The following CNTNAP5 variants were observed in gnomAD, a reference collection of about 807,000 sequenced individuals.
CNTNAP5 encodes the protein contactin-associated protein-like 5.
CNTNAP5 carries 72 observed loss-of-function variants against 150.2 expected under a neutral mutation model. The observed-to-expected ratio is 0.48, with a 90% CI of 0.40 to 0.58. The LOEUF is 0.58. Among genes scored for constraint, CNTNAP5 ranks in the 20% least tolerant of loss-of-function variants. The probability of loss-of-function intolerance (pLI) is 0.00; values close to 1 mark genes in which losing one functional copy is unlikely to be tolerated. For synonymous variants in CNTNAP5, 672 were observed against 619.8 expected (o/e 1.08, Z -1.25); for missense variants, 1,636 against 1,626.2 (o/e 1.01, Z -0.10).
At chr2:124,458,293 TTATATATA>T (rs56360238) in intron 6 of CNTNAP5, among the ~76,000 whole-genome samples, 37 of 139,930 alleles carry the variant, frequency 2.6e-4, no homozygotes, top group African/African-American at 6.1e-4. Flanking sequence ...ATGTAATATT[TTATATATA>T]TATATATATA....
At chr2:124,738,891 C>A (rs371888970) in intron 13 of CNTNAP5, among the ~76,000 whole-genome samples, 1 of 152,176 alleles carries the variant, frequency 6.6e-6, no homozygotes, top group East Asian at 1.9e-4. Flanking sequence ...TTTAACCTTA[C>A]TGGGATCCTT....
At chr2:124,188,521 C>A (rs559168234) in intron 1 of CNTNAP5, among the ~76,000 whole-genome samples, 4 of 152,006 alleles carry the variant, frequency 2.6e-5, no homozygotes, top group African/African-American at 9.6e-5. Context: ...AGATGGAGAC[C>A]ATCCTGGTGA....
At chr2:124,046,871 G>A (rs1401899758) in intron 1 of CNTNAP5, among the ~76,000 whole-genome samples, 2 of 152,162 alleles carry the variant, frequency 1.3e-5, no homozygotes, top group African/African-American at 4.8e-5. Context: ...GGCTGGACTG[G>A]GAAAGGAGAT....
chr2:124,735,880 G>A (rs950981178), intron 13 of CNTNAP5, among the ~76,000 whole-genome samples: 4 of 152,062 alleles, frequency 2.6e-5, no homozygotes, highest in African/African-American at 4.8e-5. Flanking sequence ...TTAGTGTTAC[G>A]GATATCCAAC....
intron 10 of CNTNAP5, among the ~76,000 whole-genome samples, chr2:124,548,715 A>G (rs1418015229): frequency 6.6e-6 from 1 of 152,224 alleles, no homozygotes; most frequent in Non-Finnish European, 1.5e-5. Flanking sequence ...ATCTGCAAGT[A>G]TAAGTGACAA....
At chr2:124,306,719 CTTTTT>C (rs762901729) in intron 3 of CNTNAP5, among the ~76,000 whole-genome samples, 6 of 64,356 alleles carry the variant, frequency 9.3e-5, no homozygotes, top group Admixed American at 8.5e-4. Context: ...CTCTCTCTTT[CTTTTT>C]TTTTTTTTTT....
At chr2:124,203,282 T>C (rs901550387) in intron 1 of CNTNAP5, among the ~76,000 whole-genome samples, 3 of 152,138 alleles carry the variant, frequency 2.0e-5, no homozygotes, top group African/African-American at 7.2e-5. Flanking sequence ...AGAGGCTGAT[T>C]CCCTTGGTCT....
chr2:124,568,267 T>C lies in CNTNAP5; in HGVS notation c.1756+4944T>C, dbSNP rs1696076943. On this transcript the variant is annotated intron_variant, in intron 11 of 23. Transcript: ENST00000682447. The stretch of plus-strand genomic sequence containing the variant: ...GTGTTCTAGAATAATCATGAAAGCA[T>C]TATGGAAGGAAGTAGAATGACTTGG... Among the ~76,000 whole-genome samples the C allele has an allele frequency of 2.6e-5, 4 of 152,168 alleles. No individual in the cohort carries two copies. The South Asian group carries it at 8.3e-4, about 32-fold the overall frequency.
intron 1 of CNTNAP5, among the ~76,000 whole-genome samples, chr2:124,137,306 T>TG (rs1371383913): frequency 4.0e-5 from 6 of 151,836 alleles, no homozygotes; most frequent in African/African-American, 1.5e-4. Context: ...TCTGTAGTTT[T>TG]TTTTTCAAAT....
intron 3 of CNTNAP5, among the ~76,000 whole-genome samples, chr2:124,350,514 T>G (rs1689851432): frequency 6.6e-6 from 1 of 151,862 alleles, no homozygotes; most frequent in Non-Finnish European, 1.5e-5. Flanking sequence ...ATTCGTACTA[T>G]TAATTCTTTA....
At chr2:124,552,407 C>A (rs1695647816) in intron 10 of CNTNAP5, among the ~76,000 whole-genome samples, 1 of 152,188 alleles carries the variant, frequency 6.6e-6, no homozygotes, top group Admixed American at 6.5e-5. Flanking sequence ...AACATATTGG[C>A]AATGATACAT....
At chr2:124,905,764 G>A (rs1678522620) in intron 22 of CNTNAP5, among the ~76,000 whole-genome samples, 1 of 152,132 alleles carries the variant, frequency 6.6e-6, no homozygotes, top group Admixed American at 6.6e-5. Context: ...CAGCTTCCAT[G>A]GGAAGGAATG....
At chr2:124,258,195 G>C (rs1209853251) in intron 3 of CNTNAP5, among the ~76,000 whole-genome samples, 3 of 152,130 alleles carry the variant, frequency 2.0e-5, no homozygotes, top group African/African-American at 4.8e-5. Context: ...AGCTAACTTG[G>C]AGAAGGCAGC....
rs1237422286 is a variant in CNTNAP5, at chr2:124,442,995, T to C, written c.734-3758T>C. ...GCACTCCTAGGCATTTAAATAGTCA[T>C]GGTCTTTATATAGGACAATTTGGCA... On this transcript the variant is annotated intron_variant, in intron 5 of 23. Transcript: ENST00000682447. 3.3e-5 allele frequency among the ~76,000 whole-genome samples: 5 copies of C among 152,252 alleles called. No homozygotes were observed. In the East Asian group the frequency reaches 5.8e-4, roughly 18 times the overall value.
intron 13 of CNTNAP5, among the ~76,000 whole-genome samples, chr2:124,677,598 A>G (rs1678972427): frequency 2.0e-5 from 3 of 152,132 alleles, no homozygotes; most frequent in Non-Finnish European, 4.4e-5. Flanking sequence ...GCATTTTTAC[A>G]GAGTGCTGAC....
intron 19 of CNTNAP5, among the ~76,000 whole-genome samples, chr2:124,838,221 T>C (rs1682869500): frequency 6.6e-6 from 1 of 152,178 alleles, no homozygotes; most frequent in Non-Finnish European, 1.5e-5. Flanking sequence ...ACCTTCACAA[T>C]TTAATGAAGT....
intron 11 of CNTNAP5, among the ~76,000 whole-genome samples, chr2:124,567,360 T>C (rs1696047921): frequency 6.6e-6 from 1 of 152,226 alleles, no homozygotes; most frequent in South Asian, 2.1e-4. Flanking sequence ...GATATGCTAA[T>C]TTGGTCACTT....
intron 16 of CNTNAP5, among the ~76,000 whole-genome samples, chr2:124,770,488 C>A (rs993966958): frequency 3.9e-5 from 6 of 152,146 alleles, no homozygotes; most frequent in Non-Finnish European, 8.8e-5. Context: ...TTAGCAAAAT[C>A]TTTAACATTC....
At chr2:124,338,344 C>A (rs150949986) in intron 3 of CNTNAP5, among the ~76,000 whole-genome samples, 61 of 152,126 alleles carry the variant, frequency 4.0e-4, no homozygotes, top group African/African-American at 1.4e-3. Flanking sequence ...TTTTCCTAAT[C>A]GAATACCCTT....
Sources: allele counts gnomAD v4.1 joint callset (sites outside exome capture counted in the v4.1 genomes callset), GRCh38; gene constraint gnomAD v4.1.1; transcripts MANE v1.5; gene names NCBI Gene and HGNC (gene_info 2026-07-23, HGNC 2026-07-21).